Variants in MACROD2 observed in about 807,000 individuals in gnomAD.
The protein encoded by MACROD2 is mono-ADP ribosylhydrolase 2, also known as ADP-ribose glycohydrolase MACROD2.
MACROD2 carries 36 observed loss-of-function variants against 70.4 expected under a neutral mutation model. That is an observed-to-expected ratio of 0.51 (90% CI 0.39 to 0.68). MACROD2 has a LOEUF of 0.68. MACROD2 is among the 30% of genes least tolerant of loss of function. The probability of loss-of-function intolerance (pLI) is 0.00; values close to 1 mark genes in which losing one functional copy is unlikely to be tolerated. For synonymous variants in MACROD2, 172 were observed against 178.8 expected, an observed-to-expected ratio of 0.96 and a Z score of 0.30; for missense variants, 496 against 538.4, an observed-to-expected ratio of 0.92 and a Z score of 0.78.
intron 5 of MACROD2, among the ~76,000 whole-genome samples, chr20:15,027,206 C>A (rs2075238824): frequency 6.6e-6 from 1 of 152,128 alleles, no homozygotes; most frequent in Non-Finnish European, 1.5e-5. Flanking sequence ...AAAAATGTTT[C>A]TCAGGAAAAG....
chr20:15,864,623 AAAAT>A (rs2064467374), intron 9 of MACROD2, among the ~76,000 whole-genome samples: 1 of 152,072 alleles, frequency 6.6e-6, no homozygotes, highest in Non-Finnish European at 1.5e-5. Context: ...AATTTTTTTT[AAAAT>A]GAGACAGTTT....
At chr20:14,849,899 C>T (rs1052308567) in intron 5 of MACROD2, 5 of 488,744 alleles carry the variant, frequency 1.0e-5, no homozygotes, top group East Asian at 5.5e-5. Context: ...TGTGTTTCAT[C>T]GTAGCAAATT....
chr20:15,185,952 C>T (rs2076532103), intron 5 of MACROD2, among the ~76,000 whole-genome samples: 1 of 152,114 alleles, frequency 6.6e-6, no homozygotes, highest in South Asian at 2.1e-4. Context: ...AGAAATGACT[C>T]CTTGTTTGCC....
intron 5 of MACROD2, among the ~76,000 whole-genome samples, chr20:15,214,812 C>A (rs1359699193): frequency 6.6e-6 from 1 of 152,160 alleles, no homozygotes; most frequent in African/African-American, 2.4e-5. Context: ...TGTTAAAATT[C>A]TATCAAAATA....
intron 5 of MACROD2, among the ~76,000 whole-genome samples, chr20:14,823,226 ATCT>A (rs1453378709): frequency 6.6e-6 from 1 of 152,072 alleles, no homozygotes. Context: ...TAACTTGTTG[ATCT>A]TCTTCAGAAA....
At chr20:14,967,810 T>A (rs1330329811) in intron 5 of MACROD2, among the ~76,000 whole-genome samples, 1 of 152,184 alleles carries the variant, frequency 6.6e-6, no homozygotes, top group Non-Finnish European at 1.5e-5. Flanking sequence ...GCTTTCCTAA[T>A]GACTCAGGGT....
chr20:15,920,848 T>C (rs937275115), intron 10 of MACROD2, among the ~76,000 whole-genome samples: 2 of 152,228 alleles, frequency 1.3e-5, no homozygotes, highest in Admixed American at 1.3e-4. Flanking sequence ...AAGAATGTTC[T>C]TCAGGATAAT....
At chr20:15,558,251 C>A in intron 8 of MACROD2, among the ~76,000 whole-genome samples, 1 of 152,198 alleles carries the variant, frequency 6.6e-6, no homozygotes, top group East Asian at 1.9e-4. Context: ...CCATTCCATT[C>A]TGATTATCCT....
At chr20:14,226,885 A>T (rs2081741776) in intron 3 of MACROD2, among the ~76,000 whole-genome samples, 1 of 152,204 alleles carries the variant, frequency 6.6e-6, no homozygotes. Context: ...AGGGCTGAGG[A>T]GTGCGGGCGC....
At position 14,693,539 on chromosome 20, in the gene MACROD2, G is replaced by C. The variant is rs996802312; in HGVS notation, c.418+8580G>C. 5.3e-5 allele frequency among the ~76,000 whole-genome samples: 8 copies of C among 152,112 alleles called. No individual in the cohort carries two copies. The South Asian group carries it at 1.7e-3, about 31-fold the overall frequency. ...ACATATATGATTTGATTAAAAAGTA[G>C]TCCACAGTGAACACTTCGTGAATGT... On this transcript the variant is annotated intron_variant, in intron 5 of 17. Transcript: ENST00000684519.
At chr20:14,459,783 T>C (rs2084346522) in intron 3 of MACROD2, among the ~76,000 whole-genome samples, 1 of 152,116 alleles carries the variant, frequency 6.6e-6, no homozygotes, top group Non-Finnish European at 1.5e-5. Flanking sequence ...CATGCAGGTT[T>C]GTTACATAGG....
chr20:14,241,153 C>T (rs1342122293), intron 3 of MACROD2, among the ~76,000 whole-genome samples: 2 of 152,108 alleles, frequency 1.3e-5, no homozygotes, highest in South Asian at 4.2e-4. Flanking sequence ...TACAAAAGAA[C>T]ACGAAGAAGT....
intron 11 of MACROD2, among the ~76,000 whole-genome samples, chr20:15,936,260 A>ATG (rs1356458557): frequency 2.0e-5 from 3 of 148,846 alleles, no homozygotes; most frequent in East Asian, 3.9e-4. Flanking sequence ...TGCATATGTA[A>ATG]TGTGTGTGTA....
intron 8 of MACROD2, among the ~76,000 whole-genome samples, chr20:15,808,331 C>T (rs1568572631): frequency 6.6e-6 from 1 of 152,148 alleles, no homozygotes; most frequent in Non-Finnish European, 1.5e-5. Flanking sequence ...TTCATCTGTT[C>T]ACCCCTTTAA....
intron 8 of MACROD2, among the ~76,000 whole-genome samples, chr20:15,543,526 G>A (rs77078630): frequency 2.8e-5 from 4 of 144,426 alleles, no homozygotes; most frequent in Non-Finnish European, 4.5e-5. Flanking sequence ...CAGCAGAATG[G>A]TGAGATGTTC....
chr20:15,860,224 C>A (rs1445746830), intron 8 of MACROD2, among the ~76,000 whole-genome samples: 3 of 151,928 alleles, frequency 2.0e-5, no homozygotes, highest in Non-Finnish European at 4.4e-5. Context: ...CATACACACT[C>A]ATGCACATAT....
intron 8 of MACROD2, among the ~76,000 whole-genome samples, chr20:15,824,667 T>C (rs918462808): frequency 7.9e-5 from 12 of 152,180 alleles, no homozygotes; most frequent in African/African-American, 2.9e-4. Flanking sequence ...AAATGATTGG[T>C]ATAATATTTT....
intron 5 of MACROD2, among the ~76,000 whole-genome samples, chr20:15,051,450 A>C (rs550858601): frequency 6.6e-6 from 1 of 151,548 alleles, no homozygotes; most frequent in African/African-American, 2.4e-5. Flanking sequence ...TGGCAAGCTT[A>C]AACTCCATAG....
chr20:15,416,459 C>A (rs2046150852), intron 6 of MACROD2, among the ~76,000 whole-genome samples: 1 of 152,196 alleles, frequency 6.6e-6, no homozygotes, highest in Admixed American at 6.5e-5. Context: ...CGTATTGAAT[C>A]AAGCTGCATA....
Sources: gnomAD v4.1 joint callset for allele counts (sites outside exome capture counted in the v4.1 genomes callset) on GRCh38, gnomAD v4.1.1 for gene constraint, MANE v1.5 for transcripts, NCBI Gene and HGNC (gene_info 2026-07-23, HGNC 2026-07-21) for gene names.